The following CEP112 variants were observed in gnomAD, a reference collection of about 807,000 sequenced individuals.
The protein encoded by CEP112 is centrosomal protein 112.
CEP112 carries 127 observed loss-of-function variants against 153.0 expected under a neutral mutation model. The ratio of observed to expected loss-of-function variants is 0.83; its 90% confidence interval spans 0.72 to 0.96. CEP112 has a LOEUF of 0.96. Among genes scored for constraint, CEP112 ranks in the 40% least tolerant of loss-of-function variants. The pLI, the probability that CEP112 is intolerant of heterozygous loss-of-function variation, is 0.00. For synonymous variants in CEP112, 358 were observed against 374.4 expected (o/e 0.96, Z 0.51); for missense variants, 1,089 against 1,101.2 (o/e 0.99, Z 0.16).
intron 24 of CEP112, among the ~76,000 whole-genome samples, chr17:65,668,897 A>G (rs1228690995): frequency 6.6e-6 from 1 of 152,048 alleles, no homozygotes; most frequent in Non-Finnish European, 1.5e-5. Context: ...TTCTCTCTCC[A>G]TCACTCCACT....
intron 19 of CEP112, among the ~76,000 whole-genome samples, chr17:65,912,972 T>C (rs2060343989): frequency 6.6e-6 from 1 of 152,202 alleles, no homozygotes; most frequent in South Asian, 2.1e-4. Flanking sequence ...TTACTTTCAA[T>C]GGCAAAACCC....
At chr17:65,917,017 G>A (rs1483530839) in intron 19 of CEP112, among the ~76,000 whole-genome samples, 1 of 152,186 alleles carries the variant, frequency 6.6e-6, no homozygotes, top group East Asian at 1.9e-4. Context: ...ACTGGACCTG[G>A]ACACAGGGGC....
At chr17:65,865,580 G>A (rs552094875) in intron 20 of CEP112, among the ~76,000 whole-genome samples, 1 of 152,200 alleles carries the variant, frequency 6.6e-6, no homozygotes, top group South Asian at 2.1e-4. Context: ...CCTCTGCCAC[G>A]GCCTCAACCT....
chr17:65,797,303 T>C (rs1213941961), intron 21 of CEP112: 1 of 152,212 alleles, frequency 6.6e-6, no homozygotes, highest in African/African-American at 2.4e-5. Context: ...AAAGGGATTG[T>C]TGAGATGTCC....
At chr17:65,719,047 G>A (rs1039376858) in intron 23 of CEP112, among the ~76,000 whole-genome samples, 7 of 152,380 alleles carry the variant, frequency 4.6e-5, no homozygotes, top group African/African-American at 1.7e-4. Context: ...CTCTGCATAT[G>A]TGTTGTCACA....
At chr17:65,928,857 C>T (rs189560804) in intron 18 of CEP112, among the ~76,000 whole-genome samples, 143 of 152,192 alleles carry the variant, frequency 9.4e-4, no homozygotes, top group African/African-American at 3.3e-3. Context: ...GAGTAAGATC[C>T]TGTCTCAAAA....
chr17:66,179,144 A>T (rs1045201547), intron 2 of CEP112, among the ~76,000 whole-genome samples: 4 of 152,018 alleles, frequency 2.6e-5, no homozygotes, highest in African/African-American at 9.6e-5. Flanking sequence ...CAGTTTTATT[A>T]TTTTTGCTCA....
At chr17:65,742,843 T>C (rs918613689) in intron 23 of CEP112, among the ~76,000 whole-genome samples, 5 of 152,322 alleles carry the variant, frequency 3.3e-5, no homozygotes, top group African/African-American at 9.6e-5. Context: ...TGTGAATGGA[T>C]TGGGCTTGCC....
intron 4 of CEP112, among the ~76,000 whole-genome samples, chr17:66,133,036 T>C (rs1420031580): frequency 6.6e-6 from 1 of 150,406 alleles, no homozygotes; most frequent in African/African-American, 2.5e-5. Flanking sequence ...GAGACTCATC[T>C]CAAACAACAA....
chr17:66,131,783 T>C (rs1488968375), intron 5 of CEP112, among the ~76,000 whole-genome samples: 1 of 152,032 alleles, frequency 6.6e-6, no homozygotes, highest in Non-Finnish European at 1.5e-5. Context: ...GTGTTACACA[T>C]GCTTTCTCTT....
At chr17:66,018,153 T>C (rs532573254) in intron 16 of CEP112, among the ~76,000 whole-genome samples, 2 of 152,322 alleles carry the variant, frequency 1.3e-5, no homozygotes, top group East Asian at 1.9e-4. Context: ...CCACTTTAAA[T>C]TGTTAATACC....
intron 19 of CEP112, among the ~76,000 whole-genome samples, chr17:65,925,850 A>G (rs973917541): frequency 2.0e-5 from 3 of 152,210 alleles, no homozygotes; most frequent in African/African-American, 4.8e-5. Context: ...AAAACGACTC[A>G]AGATGACATG....
chr17:65,681,469 C>A (rs942606685), intron 24 of CEP112, among the ~76,000 whole-genome samples: 2 of 151,142 alleles, frequency 1.3e-5, no homozygotes, highest in Non-Finnish European at 2.9e-5. Context: ...TCCTAGGGCT[C>A]TTTCTTGACT....
chr17:65,794,785 C>T (rs1460392936), intron 21 of CEP112, among the ~76,000 whole-genome samples: 1 of 152,212 alleles, frequency 6.6e-6, no homozygotes, highest in Non-Finnish European at 1.5e-5. Flanking sequence ...CCTGCGGCTT[C>T]TACCGTCTCC....
chr17:65,927,557 G>A (rs1330433898), intron 19 of CEP112, 25 bp downstream of exon 19: 1 of 1,271,250 alleles, frequency 7.9e-7, no homozygotes. Flanking sequence ...AAAATTTAAT[G>A]GCAGCATCAA....
At chr17:65,901,085 A>C (rs1297190984) in intron 20 of CEP112, among the ~76,000 whole-genome samples, 1 of 152,216 alleles carries the variant, frequency 6.6e-6, no homozygotes, top group African/African-American at 2.4e-5. Flanking sequence ...TCCACTCAAA[A>C]AAATTAACAT....
intron 23 of CEP112, among the ~76,000 whole-genome samples, chr17:65,723,652 A>T (rs1233244490): frequency 6.6e-6 from 1 of 152,208 alleles, no homozygotes; most frequent in African/African-American, 2.4e-5. Flanking sequence ...TGTCTCTAAG[A>T]ATGCTGCTGC....
chr17:65,852,560 G>A (rs1294156236), intron 20 of CEP112, among the ~76,000 whole-genome samples: 1 of 143,182 alleles, frequency 7.0e-6, no homozygotes, highest in Non-Finnish European at 1.5e-5. Flanking sequence ...TAGCTCAGAG[G>A]CAAATACCAC....
chr17:66,027,682 T>C (rs11079630), intron 15 of CEP112, 122 bp from the exon 16 acceptor site: 296,361 of 712,242 alleles, frequency 0.42, 66,685 homozygotes, highest in East Asian at 0.86. Flanking sequence ...GTTTTGCATA[T>C]GATTAAGTAA....
Sources: allele counts gnomAD v4.1 joint callset (sites outside exome capture counted in the v4.1 genomes callset), GRCh38; gene constraint gnomAD v4.1.1; transcripts MANE v1.5; gene names NCBI Gene and HGNC (gene_info 2026-07-23, HGNC 2026-07-21).